TRABD2B: variants seen among roughly 807,000 people sequenced by gnomAD.
TRABD2B encodes the protein TraB domain containing 2B.
In TRABD2B, 14 loss-of-function variants were observed where a neutral mutation model predicts 40.1. The ratio of observed to expected loss-of-function variants is 0.35; its 90% CI spans 0.23 to 0.55. The LOEUF (loss-of-function observed/expected upper bound fraction) is 0.55, where lower values mean the gene tolerates loss of function less well. TRABD2B is among the 20% of genes least tolerant of loss of function. The pLI is 0.90. For missense variants in TRABD2B, 541 were observed against 648.6 expected, an observed-to-expected ratio of 0.83 and a Z score of 1.80; for synonymous variants, 263 against 277.0, an observed-to-expected ratio of 0.95 and a Z score of 0.50.
In TRABD2B at chr1:47,996,876, C is replaced by T; in HGVS notation, c.-87G>A. 1 of 1,142,682 alleles carries T rather than the reference C, an allele frequency of 8.8e-7. No individual in the cohort carries two copies. The highest frequency in any genetic ancestry group is 1.1e-6 in the Non-Finnish European group (1 of 931,440). 70.8% of individuals were successfully genotyped at this position (1,142,682 alleles called of 1,614,324 possible). A position where few individuals can be genotyped will look rare whatever the true frequency, so the allele number is the denominator to read the frequency against. The stretch of plus-strand genomic sequence containing the variant: ...AGCCCCCAGTTGGGCACGGAGTTTC[C>T]TCTGGAGCACGGGGCTCCAGCCGCA... On this transcript the variant is annotated 5_prime_UTR_variant, in exon 1 of 7. Coordinates refer to ENST00000606738, the MANE Select transcript of TRABD2B (RefSeq NM_001194986.2). The surrounding 1 kb of genome is among the most constrained non-coding windows in gnomAD (Gnocchi z 4.6).
At chr1:47,917,612 T>C (rs1644847483) in intron 2 of TRABD2B, among the ~76,000 whole-genome samples, 1 of 151,842 alleles carries the variant, frequency 6.6e-6, no homozygotes, top group African/African-American at 2.4e-5. Flanking sequence ...CATGTGCCTG[T>C]GGTCCCAGCT....
At chr1:47,782,292 C>T (rs1006530982) in intron 4 of TRABD2B, among the ~76,000 whole-genome samples, 1 of 152,192 alleles carries the variant, frequency 6.6e-6, no homozygotes, top group South Asian at 2.1e-4. Context: ...CCCAGAGGCC[C>T]CCTGCTGTGA....
At position 47,994,158 on chromosome 1, in the gene TRABD2B, C is replaced by T. The variant is rs1233478395; in HGVS notation, c.542G>A (p.Arg181His). Reference protein sequence around the residue: ...NSLTERDVRFRGVPVLDLYLA... With the variant: ...NSLTERDVRFHGVPVLDLYLA... ...GTAGAGGTCGAGCACGGGCACACCA[C>T]GGAAGCGCACGTCCCTCTCTGTGAG... Residue 181 changes from arginine (R) to histidine (H), a missense_variant, in exon 2 of 7, where the codon CGT (arginine) becomes CAT (histidine). Physicochemically the swap from Arg to His is conservative, Grantham distance 29. Around this residue, in one of 2 missense-constraint regions of TRABD2B, gnomAD observed 369 missense variants for 492.8 expected, o/e 0.75. Transcript: ENST00000606738. The surrounding 1 kb of genome is among the most constrained non-coding windows in gnomAD (Gnocchi z 6.7). 2 of 1,536,638 alleles carry T rather than the reference C, an allele frequency of 1.3e-6. No individual in the cohort carries two copies. Among genetic ancestry groups the T allele is most frequent in the South Asian group, 1.2e-5 (1 of 84,066 alleles).
chr1:47,776,060 T>C (rs1465894805), intron 5 of TRABD2B, among the ~76,000 whole-genome samples: 1 of 152,080 alleles, frequency 6.6e-6, no homozygotes, highest in Non-Finnish European at 1.5e-5. Context: ...TTGCAGACTC[T>C]ATCTCACAGG....
chr1:47,831,191 C>T lies in TRABD2B; in HGVS notation c.667-29572G>A, dbSNP rs554207041. Among the ~76,000 whole-genome samples, 5 of 152,198 alleles carry T rather than the reference C, an allele frequency of 3.3e-5. No homozygotes were observed. The East Asian group carries it at 7.7e-4, about 24-fold the overall frequency. ...TGTCTGGAGACGGGGGGCAAACTCA[C>T]CAACAGTTGGGAGGACTGGCTTTTA... On this transcript the variant is annotated intron_variant, in intron 2 of 6. Transcript: ENST00000606738.
chr1:47,780,194 G>A (rs900376287), intron 4 of TRABD2B, among the ~76,000 whole-genome samples: 5 of 152,174 alleles, frequency 3.3e-5, no homozygotes, highest in African/African-American at 1.2e-4. Context: ...ACTGGGAAAG[G>A]TCACTGGGCT....
intron 2 of TRABD2B, among the ~76,000 whole-genome samples, chr1:47,887,644 G>C (rs1232507458): frequency 1.3e-5 from 2 of 152,186 alleles, no homozygotes; most frequent in South Asian, 2.1e-4. Flanking sequence ...CAAAGCATGT[G>C]GATTGGGCCA....
intron 2 of TRABD2B, among the ~76,000 whole-genome samples, chr1:47,979,061 G>T (rs967435436): frequency 1.1e-4 from 17 of 152,128 alleles, no homozygotes; most frequent in Admixed American, 6.5e-5. Flanking sequence ...CAGAGCACGA[G>T]GCTGAGAAGG....
At chr1:47,886,795 C>T (rs958541317) in intron 2 of TRABD2B, among the ~76,000 whole-genome samples, 4 of 152,190 alleles carry the variant, frequency 2.6e-5, no homozygotes, top group African/African-American at 9.6e-5. Flanking sequence ...AACTTCTAAA[C>T]AGTTTTTCAA....
At chr1:47,776,311 C>T (rs1020428115) in intron 5 of TRABD2B, among the ~76,000 whole-genome samples, 6 of 152,150 alleles carry the variant, frequency 3.9e-5, no homozygotes, top group Non-Finnish European at 8.8e-5. Flanking sequence ...CCACAACTTG[C>T]AAGCCGTGTG....
chr1:47,852,943 T>G (rs1039192488), intron 2 of TRABD2B, among the ~76,000 whole-genome samples: 2 of 151,764 alleles, frequency 1.3e-5, no homozygotes, highest in African/African-American at 4.8e-5. Flanking sequence ...GTTCTCATAT[T>G]CTCTTTGATT....
At chr1:47,768,149 T>G (rs1644329984) in intron 6 of TRABD2B, among the ~76,000 whole-genome samples, 1 of 152,230 alleles carries the variant, frequency 6.6e-6, no homozygotes, top group Non-Finnish European at 1.5e-5. Flanking sequence ...CTTCCGGTGA[T>G]GCTCTGGCCT....
chr1:47,761,656 C>T lies in TRABD2B; in HGVS notation c.*4246G>A, dbSNP rs1468611935. On this transcript the variant is annotated 3_prime_UTR_variant, in exon 7 of 7. Transcript: ENST00000606738. ...CAGGAGGGACCCTCAATGTCATCTA[C>T]ACCAGGCCCTTGGCAAGATGTCAAC... The T allele has an allele frequency of 1.3e-5, 2 of 152,234 alleles. No homozygotes were observed. The highest frequency in any genetic ancestry group is 2.9e-5 in the Non-Finnish European group (2 of 68,048). 9.4% of individuals were successfully genotyped at this position (152,234 alleles called of 1,614,324 possible).
intron 2 of TRABD2B, among the ~76,000 whole-genome samples, chr1:47,928,150 A>G (rs908108673): frequency 2.0e-5 from 3 of 152,228 alleles, no homozygotes; most frequent in Non-Finnish European, 4.4e-5. Flanking sequence ...GCTGAGACCC[A>G]GTAGAAATAA....
chr1:47,944,843 G>A (rs1025475541), intron 2 of TRABD2B, among the ~76,000 whole-genome samples: 2 of 152,186 alleles, frequency 1.3e-5, no homozygotes, highest in African/African-American at 4.8e-5. Flanking sequence ...AGCCAGCTCT[G>A]TCCTGGGCAA....
chr1:47,913,945 T>A (rs1383014684), intron 2 of TRABD2B, among the ~76,000 whole-genome samples: 1 of 152,242 alleles, frequency 6.6e-6, no homozygotes, highest in Non-Finnish European at 1.5e-5. Context: ...TTAATTTGCC[T>A]AAGTTCAGCA....
At chr1:47,993,750 C>A (rs1011059339) in intron 2 of TRABD2B, among the ~76,000 whole-genome samples, 1 of 152,216 alleles carries the variant, frequency 6.6e-6, no homozygotes, top group Admixed American at 6.5e-5. Flanking sequence ...ATTCTTTCTG[C>A]CCAGGCAAGC....
chr1:47,983,798 T>C (rs970922585), intron 2 of TRABD2B, among the ~76,000 whole-genome samples: 2 of 147,778 alleles, frequency 1.4e-5, no homozygotes, highest in African/African-American at 5.0e-5. Flanking sequence ...AGACTAACAC[T>C]AGAAGTGTCC....
intron 3 of TRABD2B, among the ~76,000 whole-genome samples, chr1:47,796,301 C>T (rs1025250667): frequency 6.6e-6 from 1 of 152,230 alleles, no homozygotes; most frequent in African/African-American, 2.4e-5. Flanking sequence ...CTGGTGTCCC[C>T]TCTTCCACTT....
Sources: allele counts gnomAD v4.1 joint callset (sites outside exome capture counted in the v4.1 genomes callset), GRCh38; gene constraint gnomAD v4.1.1; regional missense constraint gnomAD v4.1.1; non-coding constraint Gnocchi (gnomAD v3.1); transcripts MANE v1.5; gene names NCBI Gene and HGNC (gene_info 2026-07-23, HGNC 2026-07-21).